CCDC18: variants seen among roughly 807,000 people sequenced by gnomAD.
CCDC18 encodes coiled-coil domain-containing protein 18.
CCDC18 carries 157 observed loss-of-function variants against 196.0 expected under a neutral mutation model. That is an observed-to-expected ratio of 0.80 (90% CI 0.70 to 0.91). The LOEUF (loss-of-function observed/expected upper bound fraction) is 0.91, where lower values mean the gene tolerates loss of function less well. CCDC18 is among the 40% of genes least tolerant of loss of function. The pLI is 0.00. For missense variants in CCDC18, 1,465 were observed against 1,611.6 expected, an observed-to-expected ratio of 0.91 and a Z score of 1.56; for synonymous variants, 482 against 529.2, an observed-to-expected ratio of 0.91 and a Z score of 1.22.
rs1044100013 is a variant in CCDC18, at chr1:93,239,590, C to T, written c.2768-93C>T. On this transcript the variant is annotated intron_variant, in intron 20 of 28. Coordinates refer to ENST00000690025, the MANE Select transcript of CCDC18 (RefSeq NM_001378204.1). ...GGAAAATAAGTGGTATTTTGCCTCT[C>T]GTAGATGAATATAATTGAATATTCT... is the stretch of plus-strand genomic sequence containing the variant. The T allele has an allele frequency of 7.4e-6, 10 of 1,347,218 alleles. No individual in the cohort carries two copies. The African/African-American group carries it at 7.5e-5, about 10-fold the overall frequency. The allele number at this position is 1,347,218 out of a possible 1,614,324, so 83.5% of individuals were successfully genotyped here. A position where few individuals can be genotyped will look rare whatever the true frequency, so the allele number is the denominator to read the frequency against.
At chr1:93,242,350 A>C (rs1020628372) in intron 21 of CCDC18, among the ~76,000 whole-genome samples, 1 of 152,048 alleles carries the variant, frequency 6.6e-6, no homozygotes, top group Non-Finnish European at 1.5e-5. Context: ...TGCGCAGGGA[A>C]ACTCCGCTTT....
chr1:93,264,985 G>A, intron 27 of CCDC18, 84 bp downstream of exon 27: 3 of 924,386 alleles, frequency 3.2e-6, no homozygotes, highest in South Asian at 2.9e-5. Context: ...AGTTTATAGA[G>A]GACTATATGA....
chr1:93,180,472 G>GC (rs1054589666), upstream of CCDC18: 1 of 1,463,614 alleles, frequency 6.8e-7, no homozygotes, highest in Non-Finnish European at 9.2e-7. Context: ...CTCAGTCTCG[G>GC]CCCCCTCAGG....
At chr1:93,183,946 GA>G in intron 2 of CCDC18, 31 bp from the exon 3 acceptor site, 2 of 1,383,920 alleles carry the variant, frequency 1.4e-6, no homozygotes, top group Non-Finnish European at 1.9e-6. Context: ...AACTATCCAA[GA>G]ACTGAAATAT....
At chr1:93,198,433 G>A (rs1653169386) in intron 6 of CCDC18, among the ~76,000 whole-genome samples, 1 of 152,182 alleles carries the variant, frequency 6.6e-6, no homozygotes, top group Admixed American at 6.5e-5. Flanking sequence ...GTTGTTAAAA[G>A]TCCAAATGGT....
rs749833521 is a variant in CCDC18 at position 93,207,353 on chromosome 1, A to G, written c.1164A>G (p.Ser388=). 1 of 1,612,008 alleles carries G rather than the reference A, an allele frequency of 6.2e-7. No individual in the cohort carries two copies. Among genetic ancestry groups the G allele is most frequent in the Admixed American group, 1.7e-5 (1 of 59,866 alleles). ...TATGTCAACAAGAAATTGAAAGTTC[A>G]AGGGTAGAACTAAGAAGTTTGGAAA... The part of the protein sequence containing the change: ...LDLCQQEIES[S]RVELRSLEKI... The change falls in exon 9 of 29, where the codon TCA becomes TCG. Residue 388 remains serine (S), a synonymous_variant. Transcript: ENST00000690025.
rs151306752 is a variant in CCDC18 at position 93,244,800 on chromosome 1, T to C, written c.2982-1305T>C. 1.5e-3 allele frequency among the ~76,000 whole-genome samples: 223 copies of C among 152,324 alleles called. 3 individuals carry two copies. The East Asian group carries it at 0.036, about 24-fold the overall frequency. On this transcript the variant is annotated intron_variant, in intron 21 of 28. Transcript: ENST00000690025. ...CCTTATGTGGTCTGGTTCCTGTCCT[T>C]GTTCCTGACATTTTTCTTATACTTT... is the stretch of plus-strand genomic sequence containing the variant.
chr1:93,205,335 T>G (rs1015450767), intron 7 of CCDC18, among the ~76,000 whole-genome samples, 175 bp from the exon 8 acceptor site: 1 of 152,180 alleles, frequency 6.6e-6, no homozygotes, highest in African/African-American at 2.4e-5. Flanking sequence ...CTCTGTCCTT[T>G]GCTACTGCCC....
chr1:93,277,772 GCT>G (rs1226108982), intron 28 of CCDC18, among the ~76,000 whole-genome samples: 2 of 151,882 alleles, frequency 1.3e-5, no homozygotes, highest in Non-Finnish European at 2.9e-5. Flanking sequence ...GTCTCTGTCT[GCT>G]CTTTTTTTCT....
chr1:93,231,930 T>C (rs1230776801), intron 17 of CCDC18, among the ~76,000 whole-genome samples: 1 of 152,246 alleles, frequency 6.6e-6, no homozygotes, highest in Non-Finnish European at 1.5e-5. Flanking sequence ...GAAGTGCAGA[T>C]AAAACCATGG....
chr1:93,220,757 A>G (rs781083051), intron 14 of CCDC18, among the ~76,000 whole-genome samples: 20 of 152,094 alleles, frequency 1.3e-4, no homozygotes, highest in Non-Finnish European at 1.5e-5. Flanking sequence ...TCCATTAGCT[A>G]TTCTTCCTGA....
intron 1 of CCDC18, 126 bp from the exon 2 acceptor site, chr1:93,183,234 C>T: frequency 1.1e-5 from 7 of 627,308 alleles, no homozygotes; most frequent in Admixed American, 6.9e-5. Context: ...TGTTTTAAAC[C>T]ACCATGAAAG....
chr1:93,193,180 T>C (rs1181450697), intron 5 of CCDC18, among the ~76,000 whole-genome samples: 5 of 152,180 alleles, frequency 3.3e-5, no homozygotes, highest in Admixed American at 3.3e-4. Context: ...ATTTTGTTTC[T>C]GAGTCAAAGA....
At position 93,258,858 on chromosome 1, in the gene CCDC18, A is replaced by G; in HGVS notation, c.3657A>G (p.Glu1219=). 2 of 1,601,946 alleles carry G rather than the reference A, an allele frequency of 1.2e-6. No homozygotes were observed. Among genetic ancestry groups the G allele is most frequent in the East Asian group, 2.3e-5 (1 of 44,148 alleles). The change falls in exon 26 of 29, where the codon GAA becomes GAG. Residue 1219 remains glutamate, a synonymous_variant. Coordinates refer to ENST00000690025, the MANE Select transcript of CCDC18 (RefSeq NM_001378204.1). ...AEIKKLSAEV[E]SLKEAYHMEM... is the part of the protein sequence containing the mutation. The stretch of plus-strand genomic sequence containing the variant: ...TCAAGAAATTGTCAGCAGAAGTAGA[A>G]TCTCTCAAAGAAGCTTATCATATGG...
Position 93,239,768 on chromosome 1 carries a change from A to G in CCDC18, c.2853A>G (p.Leu951=), listed in dbSNP as rs541905311. The change falls in exon 21 of 29, where the codon CTA becomes CTG. Residue 951 remains leucine (L), a synonymous_variant. Coordinates refer to ENST00000690025, the MANE Select transcript of CCDC18 (RefSeq NM_001378204.1). Reference sequence around the variant, plus strand: ...AACGGGAAGTACTTGAGACTGAACTACAAAATGCTCATGGAGAATTAAAAA... The same window carrying G: ...AACGGGAAGTACTTGAGACTGAACTGCAAAATGCTCATGGAGAATTAAAAA... ...LQKREVLETE[L]QNAHGELKST... 1.3e-5 allele frequency: 21 copies of G among 1,613,746 alleles called. No individual in the cohort carries two copies. In the East Asian group the frequency reaches 4.5e-4, roughly 34 times the overall value.
chr1:93,182,285 G>A (rs1056813743), intron 1 of CCDC18, among the ~76,000 whole-genome samples: 1 of 152,092 alleles, frequency 6.6e-6, no homozygotes, highest in Non-Finnish European at 1.5e-5. Context: ...TTTTGAGTGG[G>A]GAATAAATGT....
intron 6 of CCDC18, among the ~76,000 whole-genome samples, chr1:93,198,778 G>A (rs1653244253): frequency 1.3e-5 from 2 of 152,000 alleles, no homozygotes; most frequent in South Asian, 4.1e-4. Flanking sequence ...CTCGCAGATA[G>A]TTAGGACTAC....
intron 28 of CCDC18, among the ~76,000 whole-genome samples, chr1:93,272,130 G>A (rs1033826973): frequency 5.9e-5 from 9 of 152,262 alleles, no homozygotes; most frequent in East Asian, 1.9e-4. Flanking sequence ...ATAGATCCAA[G>A]ACAAAGAAAA....
intron 3 of CCDC18, 98 bp from the exon 4 acceptor site, chr1:93,186,247 C>A: frequency 8.9e-7 from 1 of 1,126,288 alleles, no homozygotes; most frequent in Non-Finnish European, 1.3e-6. Context: ...TGAGCTGCTT[C>A]GTCATTTTGT....
Sources: allele counts gnomAD v4.1 joint callset (sites outside exome capture counted in the v4.1 genomes callset), GRCh38; gene constraint gnomAD v4.1.1; transcripts MANE v1.5; gene names NCBI Gene and HGNC (gene_info 2026-07-23, HGNC 2026-07-21).